The following SYT1 variants were observed in gnomAD, a reference collection of about 807,000 sequenced individuals.
The protein encoded by SYT1 is synaptotagmin-1.
Under a neutral mutation model 44.8 loss-of-function variants are expected in SYT1, and 8 were observed. That is an observed-to-expected ratio of 0.18 (90% CI 0.10 to 0.32). SYT1 has a LOEUF of 0.32. Among genes scored for constraint, SYT1 ranks in the 10% least tolerant of loss-of-function variants. The probability of loss-of-function intolerance (pLI) is 1.00; values close to 1 mark genes in which losing one functional copy is unlikely to be tolerated. For missense variants in SYT1, 286 were observed against 509.3 expected, an observed-to-expected ratio of 0.56 and a Z score of 4.22; for synonymous variants, 154 against 188.8, an observed-to-expected ratio of 0.82 and a Z score of 1.51.
intron 4 of SYT1, among the ~76,000 whole-genome samples, chr12:79,250,587 ATGG>A (rs1877141764): frequency 6.6e-6 from 1 of 152,218 alleles, no homozygotes; most frequent in African/African-American, 2.4e-5. Flanking sequence ...TGTGAACAAA[ATGG>A]TGAAGTCAGT....
intron 3 of SYT1, among the ~76,000 whole-genome samples, chr12:79,098,507 C>A (rs1878275160): frequency 6.6e-6 from 1 of 152,090 alleles, no homozygotes; most frequent in South Asian, 2.1e-4. Flanking sequence ...GTTACCTCAT[C>A]TCAAAGGGTA....
intron 3 of SYT1, among the ~76,000 whole-genome samples, chr12:79,119,757 A>T (rs968045965): frequency 6.6e-6 from 1 of 152,186 alleles, no homozygotes; most frequent in Admixed American, 6.5e-5. Flanking sequence ...AACATTTCAA[A>T]TCATTTTGGA....
intron 1 of SYT1, among the ~76,000 whole-genome samples, chr12:78,939,006 G>A (rs868183109): frequency 6.6e-6 from 1 of 152,078 alleles, no homozygotes; most frequent in African/African-American, 2.4e-5. Context: ...GCCTCTTCAG[G>A]GAAGCATCTG....
At chr12:79,135,875 C>T (rs1869158320) in intron 3 of SYT1, among the ~76,000 whole-genome samples, 1 of 152,122 alleles carries the variant, frequency 6.6e-6, no homozygotes, top group Non-Finnish European at 1.5e-5. Flanking sequence ...AAATATGATC[C>T]TTGCAAGAGT....
intron 3 of SYT1, among the ~76,000 whole-genome samples, chr12:79,179,255 G>GAT (rs1178686931): frequency 1.3e-5 from 1 of 75,750 alleles, no homozygotes; most frequent in Non-Finnish European, 2.4e-5. Context: ...TATAGATATA[G>GAT]ATATAGATAT....
rs1565849503 is a variant in SYT1 at position 79,195,224 on chromosome 12, G to GA, written c.-17-22275dup. Among the ~76,000 whole-genome samples the GA allele has an allele frequency of 2.0e-5, 3 of 152,194 alleles. No individual in the cohort carries two copies. In the East Asian group the frequency reaches 5.8e-4, roughly 29 times the overall value. On this transcript the variant is annotated intron_variant, in intron 3 of 10. Coordinates refer to ENST00000261205, the MANE Select transcript of SYT1 (RefSeq NM_005639.3). Reference sequence around the variant, plus strand: ...TAGTAGCAGCTTACCTACATTTGGAGAAAATATAAAAACCTTTGAAAAATG... The same window carrying GA: ...TAGTAGCAGCTTACCTACATTTGGAGAAAAATATAAAAACCTTTGAAAAATG...
chr12:79,061,230 A>G (rs951066888), intron 3 of SYT1, among the ~76,000 whole-genome samples: 3 of 152,058 alleles, frequency 2.0e-5, no homozygotes, highest in African/African-American at 7.2e-5. Flanking sequence ...GAAATAATCT[A>G]TACAGTTTTT....
chr12:79,179,326 AGATATAGATATATCGATATG>A (rs1872252738), intron 3 of SYT1, among the ~76,000 whole-genome samples: 1 of 121,408 alleles, frequency 8.2e-6, no homozygotes, highest in African/African-American at 3.3e-5. Flanking sequence ...ATATAGATAT[AGATATAGATATATCGATATG>A]TCTATATCGA....
At chr12:79,374,241 G>T (rs1883904110) in intron 9 of SYT1, among the ~76,000 whole-genome samples, 1 of 151,988 alleles carries the variant, frequency 6.6e-6, no homozygotes, top group Non-Finnish European at 1.5e-5. Flanking sequence ...TTTCTTCTGG[G>T]GTGCCAGAAG....
chr12:78,866,215 T>C (rs894637173), intron 1 of SYT1, among the ~76,000 whole-genome samples: 1 of 152,224 alleles, frequency 6.6e-6, no homozygotes, highest in African/African-American at 2.4e-5. Context: ...ACTATTTGCA[T>C]TTTATTGTCT....
At chr12:78,942,733 C>T (rs555097981) in intron 1 of SYT1, among the ~76,000 whole-genome samples, 12 of 152,248 alleles carry the variant, frequency 7.9e-5, no homozygotes, top group South Asian at 4.1e-4. Context: ...TCTCGCCATC[C>T]GTATGAACAA....
chr12:79,156,091 C>T (rs902902726), intron 3 of SYT1, among the ~76,000 whole-genome samples: 4 of 152,142 alleles, frequency 2.6e-5, no homozygotes, highest in Non-Finnish European at 5.9e-5. Flanking sequence ...GTTACATATA[C>T]GACTTCATAC....
intron 3 of SYT1, among the ~76,000 whole-genome samples, chr12:79,181,267 GTATT>G (rs1445997446): frequency 6.6e-6 from 1 of 152,018 alleles, no homozygotes; most frequent in African/African-American, 2.4e-5. Context: ...AATGATATCA[GTATT>G]TATGATTGCA....
chr12:79,181,543 ATCAACC>A (rs1872546427), intron 3 of SYT1, among the ~76,000 whole-genome samples: 2 of 151,900 alleles, frequency 1.3e-5, no homozygotes, highest in Non-Finnish European at 2.9e-5. Flanking sequence ...TCTTCTCCAT[ATCAACC>A]GTATACCTTT....
chr12:79,238,930 A>T (rs1315344338), intron 4 of SYT1, among the ~76,000 whole-genome samples: 1 of 152,212 alleles, frequency 6.6e-6, no homozygotes, highest in Non-Finnish European at 1.5e-5. Context: ...CTTTGATCAG[A>T]GTCTCCCTGT....
rs538372391 is a variant in SYT1, at chr12:79,084,672, C to T, written c.-18+37310C>T. ...ATGTTTTCTAAGGTTCAGAGGAAGG[C>T]CTGTACAATTGGCCAATCTATAACT... On this transcript the variant is annotated intron_variant, in intron 3 of 10. Coordinates refer to ENST00000261205, the MANE Select transcript of SYT1 (RefSeq NM_005639.3). Among the ~76,000 whole-genome samples the T allele has an allele frequency of 2.0e-5, 3 of 152,106 alleles. No homozygotes were observed. In the East Asian group the frequency reaches 5.8e-4, roughly 29 times the overall value.
At chr12:79,438,297 A>C (rs1593067385) in intron 9 of SYT1, among the ~76,000 whole-genome samples, 1 of 152,206 alleles carries the variant, frequency 6.6e-6, no homozygotes, top group South Asian at 2.1e-4. Context: ...CATTGTATCC[A>C]GGATATACTG....
At chr12:78,911,631 A>G (rs1207192572) in intron 1 of SYT1, among the ~76,000 whole-genome samples, 1 of 151,902 alleles carries the variant, frequency 6.6e-6, no homozygotes, top group Non-Finnish European at 1.5e-5. Context: ...ATTTAGTAAT[A>G]TGGAAGTCTT....
intron 3 of SYT1, among the ~76,000 whole-genome samples, chr12:79,118,803 A>G (rs61927268): frequency 0.16 from 24,437 of 152,102 alleles, 2,130 homozygotes; most frequent in African/African-American, 0.22. Flanking sequence ...TCTATGGTAC[A>G]TAATTTACCT....
Sources: gnomAD v4.1 joint callset for allele counts (sites outside exome capture counted in the v4.1 genomes callset) on GRCh38, gnomAD v4.1.1 for gene constraint, MANE v1.5 for transcripts, NCBI Gene and HGNC (gene_info 2026-07-23, HGNC 2026-07-21) for gene names.